The following EIF3E variants were observed in gnomAD, a reference collection of about 807,000 sequenced individuals.
EIF3E encodes the protein eIF-3 p48.
Under a neutral mutation model 59.3 loss-of-function variants are expected in EIF3E, and 25 were observed. That is an observed-to-expected ratio of 0.42 (90% CI 0.31 to 0.59). The LOEUF (loss-of-function observed/expected upper bound fraction) is 0.59. EIF3E is among the 20% of genes least tolerant of loss of function. The pLI, the probability that EIF3E is intolerant of heterozygous loss-of-function variation, is 0.15. For missense variants in EIF3E, 317 were observed against 534.3 expected, an observed-to-expected ratio of 0.59 and a Z score of 4.01; for synonymous variants, 176 against 170.2, an observed-to-expected ratio of 1.03 and a Z score of -0.26.
chr8:108,242,550 G>C, intron 1 of EIF3E: 1 of 1,159,268 alleles, frequency 8.6e-7, no homozygotes, highest in Non-Finnish European at 1.1e-6. Flanking sequence ...AAAGATTTCT[G>C]TACTGAACTT....
chr8:108,233,619 A>G, intron 5 of EIF3E: 1 of 378,868 alleles, frequency 2.6e-6, no homozygotes, highest in South Asian at 1.9e-5. Context: ...AGGAGGGAGG[A>G]TCACTTCAGG....
At chr8:108,219,802 C>T (rs1815372199) in intron 7 of EIF3E, among the ~76,000 whole-genome samples, 1 of 151,890 alleles carries the variant, frequency 6.6e-6, no homozygotes, top group Non-Finnish European at 1.5e-5. Context: ...CACTGCACTT[C>T]CAACCTGGGT....
intron 10 of EIF3E, among the ~76,000 whole-genome samples, chr8:108,210,270 G>A (rs1279228430): frequency 2.0e-5 from 3 of 152,142 alleles, no homozygotes; most frequent in Non-Finnish European, 2.9e-5. Context: ...AAGGCTGACT[G>A]CAAAAGAATC....
chr8:108,233,385 CCA>C (rs1317083122), intron 5 of EIF3E: 2 of 152,250 alleles, frequency 1.3e-5, no homozygotes, highest in Non-Finnish European at 2.9e-5. Flanking sequence ...TAGAAAATAA[CCA>C]CAGACAGCAG....
At chr8:108,204,746 TAGAGAGAGAGAG>T (rs1180256994) in intron 10 of EIF3E, among the ~76,000 whole-genome samples, 36 of 113,686 alleles carry the variant, frequency 3.2e-4, no homozygotes, top group African/African-American at 8.1e-4. Flanking sequence ...TATATATATA[TAGAGAGAGAGAG>T]AGAGAGAGAG....
intron 8 of EIF3E, 77 bp downstream of exon 8, chr8:108,217,257 G>A (rs1815320999): frequency 1.7e-6 from 2 of 1,190,640 alleles, no homozygotes; most frequent in Non-Finnish European, 2.3e-6. Context: ...TAAGAACTAA[G>A]TCTTACCTTA....
At chr8:108,246,048 A>T (rs967400605) in intron 1 of EIF3E, among the ~76,000 whole-genome samples, 2 of 152,214 alleles carry the variant, frequency 1.3e-5, no homozygotes, top group African/African-American at 4.8e-5. Flanking sequence ...ACTGGGAACA[A>T]GAGATGAACA....
In EIF3E at chr8:108,201,867, T is replaced by G. The variant is rs114050968; in HGVS notation, c.*18A>C. 2,435 of 1,503,966 alleles carry G rather than the reference T, an allele frequency of 1.6e-3. 44 individuals carry two copies. The African/African-American group carries it at 0.031, about 19-fold the overall frequency. 93.2% of individuals were successfully genotyped at this position (1,503,966 alleles called of 1,614,324 possible). On this transcript the variant is annotated 3_prime_UTR_variant, in exon 13 of 13. Coordinates refer to ENST00000220849, the MANE Select transcript of EIF3E (RefSeq NM_001568.3). Reference sequence around the variant, plus strand: ...CTTTCTTTGATAGTTTTTTTTTTCATCTTTTCTTTATGGTTCTTCAGTAGA... The same window carrying G: ...CTTTCTTTGATAGTTTTTTTTTTCAGCTTTTCTTTATGGTTCTTCAGTAGA...
chr8:108,222,807 T>C (rs1815442788), intron 7 of EIF3E, among the ~76,000 whole-genome samples: 1 of 151,010 alleles, frequency 6.6e-6, no homozygotes, highest in South Asian at 2.1e-4. Context: ...CTTCTCATAG[T>C]TTTGAAATCA....
At chr8:108,227,799 G>GA (rs1357120374) in intron 7 of EIF3E, 3 of 152,218 alleles carry the variant, frequency 2.0e-5, no homozygotes, top group African/African-American at 7.2e-5. Flanking sequence ...GCTTACAAAA[G>GA]AATGGTCTAG....
At position 108,229,891 on chromosome 8, in the gene EIF3E, C is replaced by G. The variant is rs1815589678; in HGVS notation, c.472-696G>C. Among the ~76,000 whole-genome samples the G allele has an allele frequency of 2.6e-5, 4 of 152,094 alleles. No individual in the cohort carries two copies. In the South Asian group the frequency reaches 8.3e-4, roughly 31 times the overall value. On this transcript the variant is annotated intron_variant, in intron 5 of 12. Transcript: ENST00000220849. ...AAACCTATAAATTTTACACCACAGT[C>G]TTAACCTAAAAAAAGAGGGGACTAA...
In EIF3E at chr8:108,214,597, G is replaced by A; in HGVS notation, c.1061+10C>T. 1 of 1,559,800 alleles carries A rather than the reference G, an allele frequency of 6.4e-7. No homozygotes were observed. The highest frequency in any genetic ancestry group is 8.7e-7 in the Non-Finnish European group (1 of 1,154,656). ...AGTAGAAAATCCAAATCAAATCACG[G>A]TGTTCTTACTTAATGCTGATACACT... On this transcript the variant is annotated intron_variant, in intron 10 of 12. Coordinates refer to ENST00000220849, the MANE Select transcript of EIF3E (RefSeq NM_001568.3).
chr8:108,203,341 G>C (rs1815031048), intron 11 of EIF3E, 60 bp downstream of exon 11: 1 of 1,480,876 alleles, frequency 6.8e-7, no homozygotes, highest in Non-Finnish European at 9.3e-7. Flanking sequence ...TCCTAGTTAA[G>C]AATTCCCAAA....
At chr8:108,228,450 G>T in intron 6 of EIF3E, 59 bp from the exon 7 acceptor site, 1 of 1,259,612 alleles carries the variant, frequency 7.9e-7, no homozygotes, top group East Asian at 2.9e-5. Context: ...GAGGCAGGAG[G>T]ACAAACATCA....
At chr8:108,202,372 CCA>C (rs1161828170) in intron 12 of EIF3E, among the ~76,000 whole-genome samples, 1 of 152,066 alleles carries the variant, frequency 6.6e-6, no homozygotes, top group East Asian at 1.9e-4. Context: ...TCTGCATATC[CCA>C]CAACTGCTTC....
intron 10 of EIF3E, among the ~76,000 whole-genome samples, chr8:108,206,587 CAT>C (rs1815104182): frequency 9.0e-6 from 1 of 111,122 alleles, no homozygotes; most frequent in Non-Finnish European, 1.9e-5. Context: ...ATTCTGTGCA[CAT>C]GTGCACACAC....
At chr8:108,236,537 A>G (rs1440519789) in intron 3 of EIF3E, among the ~76,000 whole-genome samples, 2 of 152,232 alleles carry the variant, frequency 1.3e-5, no homozygotes, top group African/African-American at 2.4e-5. Context: ...TAGTCTACTT[A>G]GTGGTAATCT....
intron 10 of EIF3E, among the ~76,000 whole-genome samples, chr8:108,213,849 G>A (rs906128471): frequency 6.6e-6 from 1 of 152,110 alleles, no homozygotes; most frequent in African/African-American, 2.4e-5. Flanking sequence ...CCACTTCAAC[G>A]GACGGCCCAC....
At chr8:108,229,593 T>C (rs689275) in intron 5 of EIF3E, among the ~76,000 whole-genome samples, 88,079 of 151,746 alleles carry the variant, frequency 0.58, 25,556 homozygotes, top group Middle Eastern at 0.63. Context: ...GACACGTGAG[T>C]CTCATTTACA....
Sources: allele counts gnomAD v4.1 joint callset (sites outside exome capture counted in the v4.1 genomes callset), GRCh38; gene constraint gnomAD v4.1.1; transcripts MANE v1.5; gene names NCBI Gene and HGNC (gene_info 2026-07-23, HGNC 2026-07-21).